The following DOCK4 variants were observed in gnomAD, a reference collection of about 807,000 sequenced individuals.
The protein encoded by DOCK4 is dedicator of cytokinesis protein 4.
A neutral mutation model predicts 268.1 loss-of-function variants in DOCK4; 97 were observed. That is an observed-to-expected ratio of 0.36 (90% CI 0.31 to 0.43). DOCK4 has a LOEUF of 0.43. Ranked by LOEUF, DOCK4 falls within the 20% of genes least tolerant of loss-of-function variation. The pLI is 1.00. For synonymous variants in DOCK4, 954 were observed against 887.2 expected, an observed-to-expected ratio of 1.08 and a Z score of -1.34; for missense variants, 2,145 against 2,455.7, an observed-to-expected ratio of 0.87 and a Z score of 2.67.
At chr7:111,850,840 G>A (rs559627111) in intron 23 of DOCK4, among the ~76,000 whole-genome samples, 15 of 152,026 alleles carry the variant, frequency 9.9e-5, no homozygotes, top group Admixed American at 8.5e-4. Context: ...TCCTTTTTCG[G>A]ACTCAGTCCA....
chr7:111,817,889 C>A (rs1801677041), intron 27 of DOCK4, among the ~76,000 whole-genome samples: 2 of 152,164 alleles, frequency 1.3e-5, no homozygotes, highest in African/African-American at 4.8e-5. Flanking sequence ...CCTATTCACT[C>A]TAATTAGGTT....
chr7:111,801,879 T>G (rs1800323744), intron 30 of DOCK4: 1 of 150,334 alleles, frequency 6.7e-6, no homozygotes, highest in African/African-American at 2.5e-5. Context: ...TTTTTTGTAT[T>G]TTTAGTAGAG....
At chr7:111,758,474 A>T (rs892062998) in intron 41 of DOCK4, 150 bp downstream of exon 41, 11 of 885,976 alleles carry the variant, frequency 1.2e-5, no homozygotes, top group Non-Finnish European at 1.7e-5. Flanking sequence ...ATGCACGTGG[A>T]GCTGCAGAAC....
At chr7:111,991,305 C>T (rs1009237173) in intron 5 of DOCK4, among the ~76,000 whole-genome samples, 1 of 152,176 alleles carries the variant, frequency 6.6e-6, no homozygotes, top group East Asian at 1.9e-4. Context: ...GCCAGCAAAC[C>T]TACTCTACTA....
Position 111,950,077 on chromosome 7 carries a change from C to T in DOCK4, c.702-4279G>A, listed in dbSNP as rs116220495. Among the ~76,000 whole-genome samples the T allele has an allele frequency of 3.8e-3, 574 of 152,296 alleles. 4 individuals carry two copies. Among genetic ancestry groups the T allele is most frequent in the African/African-American group, 0.013 (553 of 41,576 alleles). On this transcript the variant is annotated intron_variant, in intron 8 of 52. Coordinates refer to ENST00000428084, the MANE Select transcript of DOCK4 (RefSeq NM_001363540.2). ...GAGTAGCTGGGACTACAGACGCATG[C>T]CACCCCACTCAGCTAATTTTTAGAT...
chr7:112,056,606 G>C (rs1805841214), intron 1 of DOCK4, among the ~76,000 whole-genome samples: 1 of 152,156 alleles, frequency 6.6e-6, no homozygotes, highest in Admixed American at 6.5e-5. Context: ...TGAAAGACTG[G>C]AGTGCACCTG....
chr7:112,081,761 T>C (rs1461511762), intron 1 of DOCK4, among the ~76,000 whole-genome samples: 1 of 152,154 alleles, frequency 6.6e-6, no homozygotes, highest in African/African-American at 2.4e-5. Flanking sequence ...GTAGCTGTTC[T>C]CTTGAAGGGG....
At chr7:112,025,485 G>A (rs1328536555) in intron 1 of DOCK4, among the ~76,000 whole-genome samples, 1 of 152,124 alleles carries the variant, frequency 6.6e-6, no homozygotes, top group African/African-American at 2.4e-5. Flanking sequence ...GCCAAGGAGA[G>A]GATAGCCAAC....
chr7:112,087,134 A>G (rs1368587121), intron 1 of DOCK4, among the ~76,000 whole-genome samples: 1 of 152,168 alleles, frequency 6.6e-6, no homozygotes, highest in African/African-American at 2.4e-5. Flanking sequence ...CAAGATGCCA[A>G]TATAGATGAT....
intron 1 of DOCK4, among the ~76,000 whole-genome samples, chr7:112,115,660 T>TCCAC (rs1455730987): frequency 4.0e-5 from 6 of 151,554 alleles, no homozygotes; most frequent in African/African-American, 1.5e-4. Flanking sequence ...CACCCATCCA[T>TCCAC]CCATCCATCC....
chr7:112,199,480 T>C (rs182827392), intron 1 of DOCK4, among the ~76,000 whole-genome samples: 240 of 152,332 alleles, frequency 1.6e-3, no homozygotes, highest in African/African-American at 5.4e-3. Context: ...AGTTACCCAA[T>C]GTCATCTTGG....
chr7:112,167,086 C>T (rs1817671098), intron 1 of DOCK4, among the ~76,000 whole-genome samples: 1 of 152,198 alleles, frequency 6.6e-6, no homozygotes, highest in East Asian at 1.9e-4. Flanking sequence ...CAAAAGAATT[C>T]ATTAGTGGAG....
chr7:111,765,616 G>A (rs762509824), intron 38 of DOCK4, among the ~76,000 whole-genome samples: 2 of 152,162 alleles, frequency 1.3e-5, no homozygotes, highest in African/African-American at 4.8e-5. Flanking sequence ...TGAATTATTA[G>A]AGGCAAAACT....
chr7:111,872,635 G>A (rs1209074973), intron 17 of DOCK4, 71 bp from the exon 18 acceptor site: 2 of 1,307,590 alleles, frequency 1.5e-6, no homozygotes, highest in African/African-American at 1.5e-5. Context: ...CGTTCTGCTA[G>A]TAAAAGTAAA....
At chr7:112,200,186 G>A (rs577714042) in intron 1 of DOCK4, among the ~76,000 whole-genome samples, 18 of 152,104 alleles carry the variant, frequency 1.2e-4, no homozygotes, top group Non-Finnish European at 2.4e-4. Flanking sequence ...CCATTAACAA[G>A]TCAATTTAGT....
At chr7:111,749,868 A>G (rs1285681164) in intron 42 of DOCK4, among the ~76,000 whole-genome samples, 2 of 152,222 alleles carry the variant, frequency 1.3e-5, no homozygotes, top group East Asian at 3.8e-4. Context: ...TCCTAAGACT[A>G]GTTATCCCCT....
chr7:111,981,953 C>T (rs192726634), intron 7 of DOCK4, among the ~76,000 whole-genome samples: 72 of 152,298 alleles, frequency 4.7e-4, no homozygotes, highest in African/African-American at 1.6e-3. Context: ...AAATTACATA[C>T]GCACAAAACC....
chr7:111,962,793 A>G (rs907360756), intron 8 of DOCK4, among the ~76,000 whole-genome samples: 1 of 152,200 alleles, frequency 6.6e-6, no homozygotes, highest in East Asian at 1.9e-4. Flanking sequence ...TAATGAAGTG[A>G]TGTTAGGAAA....
chr7:111,988,847 A>G (rs1799262486), intron 6 of DOCK4, among the ~76,000 whole-genome samples, 168 bp downstream of exon 6: 1 of 152,190 alleles, frequency 6.6e-6, no homozygotes, highest in African/African-American at 2.4e-5. Flanking sequence ...TTGAGAAGAA[A>G]TGGTTCTCGG....
Sources: gnomAD v4.1 joint callset for allele counts (sites outside exome capture counted in the v4.1 genomes callset) on GRCh38, gnomAD v4.1.1 for gene constraint, MANE v1.5 for transcripts, NCBI Gene and HGNC (gene_info 2026-07-23, HGNC 2026-07-21) for gene names.